NXPH1: variants seen among roughly 807,000 people sequenced by gnomAD.
NXPH1 encodes neurexophilin 1.
Under a neutral mutation model 23.7 loss-of-function variants are expected in NXPH1, and 5 were observed. The ratio of observed to expected loss-of-function variants is 0.21; its 90% CI spans 0.11 to 0.44. The LOEUF is 0.44. NXPH1 is among the 20% of genes least tolerant of loss of function. The pLI, the probability that NXPH1 is intolerant of heterozygous loss-of-function variation, is 0.99. For missense variants in NXPH1, 324 were observed against 321.6 expected (o/e 1.01, Z -0.06); for synonymous variants, 144 against 122.2 (o/e 1.18, Z -1.18).
At chr7:8,743,343 AAG>A (rs1398343917) in intron 2 of NXPH1, among the ~76,000 whole-genome samples, 1 of 151,948 alleles carries the variant, frequency 6.6e-6, no homozygotes, top group African/African-American at 2.4e-5. Context: ...CATTTATAAA[AAG>A]AGATATACAA....
At chr7:8,460,759 G>C (rs141405360) in intron 2 of NXPH1, among the ~76,000 whole-genome samples, 203 of 152,320 alleles carry the variant, frequency 1.3e-3, no homozygotes, top group African/African-American at 4.6e-3. Context: ...ACATGCTTGA[G>C]TGTGAATCTC....
In NXPH1 at chr7:8,445,250, C is replaced by T. The variant is rs926665962; in HGVS notation, c.54+9483C>T. On this transcript the variant is annotated intron_variant, in intron 2 of 2. Coordinates refer to ENST00000405863, the MANE Select transcript of NXPH1 (RefSeq NM_152745.3). Reference sequence around the variant, plus strand: ...AAAGGACTATCTCTCTGAGATCAGACCCCACAGTCAAGCCTCTTTAAAGAG... The same window carrying T: ...AAAGGACTATCTCTCTGAGATCAGATCCCACAGTCAAGCCTCTTTAAAGAG... Among the ~76,000 whole-genome samples, 25 of 152,202 alleles carry T rather than the reference C, an allele frequency of 1.6e-4. 1 individual carries two copies. Among genetic ancestry groups the T allele is most frequent in the Non-Finnish European group, 4.4e-5 (3 of 68,032 alleles).
At chr7:8,535,062 C>G (rs1227017871) in intron 2 of NXPH1, among the ~76,000 whole-genome samples, 1 of 151,952 alleles carries the variant, frequency 6.6e-6, no homozygotes, top group African/African-American at 2.4e-5. Flanking sequence ...TGCAGTGTTC[C>G]AAAAAATGTC....
chr7:8,453,308 A>G (rs1317390840), intron 2 of NXPH1, among the ~76,000 whole-genome samples: 2 of 152,136 alleles, frequency 1.3e-5, no homozygotes, highest in African/African-American at 2.4e-5. Context: ...TCTGAAAATC[A>G]TTCTAAATAT....
intron 2 of NXPH1, among the ~76,000 whole-genome samples, chr7:8,569,494 C>A (rs1455804471): frequency 1.3e-5 from 2 of 151,828 alleles, no homozygotes; most frequent in African/African-American, 4.8e-5. Context: ...TACTGATAAA[C>A]TTATGAGTAA....
intron 2 of NXPH1, among the ~76,000 whole-genome samples, chr7:8,482,140 G>A (rs1025865726): frequency 1.3e-5 from 2 of 152,190 alleles, no homozygotes; most frequent in African/African-American, 4.8e-5. Context: ...TTTCTCACCA[G>A]TTTGCTTCAC....
chr7:8,443,849 A>C (rs1816351158), intron 2 of NXPH1, among the ~76,000 whole-genome samples: 1 of 152,026 alleles, frequency 6.6e-6, no homozygotes, highest in East Asian at 1.9e-4. Context: ...ACCAAACCGC[A>C]ACAACAAACA....
intron 2 of NXPH1, among the ~76,000 whole-genome samples, chr7:8,482,994 A>G (rs1312896931): frequency 6.6e-6 from 1 of 152,226 alleles, no homozygotes; most frequent in East Asian, 1.9e-4. Context: ...AATATACGGA[A>G]ATAAACAAAT....
chr7:8,646,639 T>C, intron 2 of NXPH1, among the ~76,000 whole-genome samples: 1 of 152,116 alleles, frequency 6.6e-6, no homozygotes, highest in African/African-American at 2.4e-5. Flanking sequence ...ATTTTTGTTT[T>C]TAAAGTCTTG....
chr7:8,551,433 A>T (rs1377110700), intron 2 of NXPH1, among the ~76,000 whole-genome samples: 1 of 151,548 alleles, frequency 6.6e-6, no homozygotes, highest in Non-Finnish European at 1.5e-5. Context: ...ACTTTTAAAA[A>T]TGAGATATGT....
chr7:8,710,879 G>C (rs1388753994), intron 2 of NXPH1, among the ~76,000 whole-genome samples: 1 of 143,148 alleles, frequency 7.0e-6, no homozygotes, highest in Admixed American at 6.8e-5. Context: ...AGCCAGGATG[G>C]TCTCGATCTC....
chr7:8,465,961 C>G (rs1816780439), intron 2 of NXPH1, among the ~76,000 whole-genome samples: 1 of 152,142 alleles, frequency 6.6e-6, no homozygotes, highest in Non-Finnish European at 1.5e-5. Flanking sequence ...GAGGATAGGG[C>G]AATTTCAATG....
chr7:8,631,250 G>A (rs985230594), intron 2 of NXPH1, among the ~76,000 whole-genome samples: 14 of 152,054 alleles, frequency 9.2e-5, no homozygotes, highest in South Asian at 2.1e-4. Flanking sequence ...ATGTGCATGC[G>A]TCTTTATAAT....
chr7:8,538,441 C>G (rs1012470948), intron 2 of NXPH1, among the ~76,000 whole-genome samples: 5 of 151,880 alleles, frequency 3.3e-5, no homozygotes, highest in African/African-American at 7.2e-5. Context: ...CTGATATTCT[C>G]TTTCTGGGAC....
chr7:8,710,946 G>A lies in NXPH1; in HGVS notation c.55-40062G>A, dbSNP rs1417269477. Among the ~76,000 whole-genome samples the A allele has an allele frequency of 4.3e-5, 5 of 114,986 alleles. 1 individual carries two copies. The highest frequency in any genetic ancestry group is 8.2e-5 in the Non-Finnish European group (5 of 60,942). The allele number at this position is 114,986 out of a possible 152,430, so 75.4% of individuals were successfully genotyped here. The stretch of plus-strand genomic sequence containing the variant: ...CAAAGTGCTGGGACTACAGGCGTGA[G>A]CCACCGCGCCCGGCCGTTACGGTTT... On this transcript the variant is annotated intron_variant, in intron 2 of 2. Coordinates refer to ENST00000405863, the MANE Select transcript of NXPH1 (RefSeq NM_152745.3).
rs577590286 is a variant in NXPH1, at chr7:8,693,318, T to A, written c.55-57690T>A. 5.5e-4 allele frequency among the ~76,000 whole-genome samples: 83 copies of A among 152,278 alleles called. 2 individuals are homozygous for A. Among genetic ancestry groups the A allele is most frequent in the African/African-American group, 1.9e-3 (78 of 41,570 alleles). On this transcript the variant is annotated intron_variant, in intron 2 of 2. Transcript: ENST00000405863. Reference sequence around the variant, plus strand: ...TCCAAGTTACATGTGTGTCCTTCTGTGCGTAAGAGAGGGATGCTTATACAC... The same window carrying A: ...TCCAAGTTACATGTGTGTCCTTCTGAGCGTAAGAGAGGGATGCTTATACAC...
chr7:8,750,924 G>A, intron 2 of NXPH1, 84 bp from the exon 3 acceptor site: 1 of 1,318,554 alleles, frequency 7.6e-7, no homozygotes, highest in Non-Finnish European at 1.1e-6. Context: ...TTAATCCTGA[G>A]ACTCAGAGAA....
Position 8,659,580 on chromosome 7 carries a change from C to A in NXPH1, c.55-91428C>A, listed in dbSNP as rs58867870. On this transcript the variant is annotated intron_variant, in intron 2 of 2. Transcript: ENST00000405863. ...GGGAACATCACACACCGGGGCCTGT[C>A]GTGGGGTGGGGGCAGTGGGGAGGGA... Among the ~76,000 whole-genome samples the A allele has an allele frequency of 8.6e-5, 13 of 151,988 alleles. No individual in the cohort carries two copies. In the East Asian group the frequency reaches 2.5e-3, roughly 29 times the overall value.
chr7:8,540,314 A>C (rs1016897671), intron 2 of NXPH1, among the ~76,000 whole-genome samples: 1 of 151,862 alleles, frequency 6.6e-6, no homozygotes, highest in Non-Finnish European at 1.5e-5. Context: ...GGTAAAAGTG[A>C]AGTAATTGGG....
Sources: gnomAD v4.1 joint callset for allele counts (sites outside exome capture counted in the v4.1 genomes callset) on GRCh38, gnomAD v4.1.1 for gene constraint, MANE v1.5 for transcripts, NCBI Gene and HGNC (gene_info 2026-07-23, HGNC 2026-07-21) for gene names.